RNF157: variants seen among roughly 807,000 people sequenced by gnomAD.
The protein encoded by RNF157 is ring finger protein 157.
RNF157 carries 55 observed loss-of-function variants against 88.3 expected under a neutral mutation model. The observed-to-expected ratio is 0.62, with a 90% CI of 0.50 to 0.78. RNF157 has a LOEUF of 0.78. Among genes scored for constraint, RNF157 ranks in the 30% least tolerant of loss-of-function variants. The pLI is 0.00. For missense variants in RNF157, 788 were observed against 860.8 expected (o/e 0.92, Z 1.06); for synonymous variants, 334 against 341.2 (o/e 0.98, Z 0.23).
rs892363909 is a variant in RNF157, at chr17:76,191,614, A to C, written c.208-17824T>G. On this transcript the variant is annotated intron_variant, in intron 2 of 18. Coordinates refer to ENST00000269391, the MANE Select transcript of RNF157 (RefSeq NM_052916.3). ...AGACTCCGCCTCAAAAAAAAAAAAA[A>C]AAAAAAAACATTAGCCAGGTGTAGT... Among the ~76,000 whole-genome samples the C allele has an allele frequency of 5.4e-4, 82 of 151,722 alleles. 1 individual carries two copies. Among genetic ancestry groups the C allele is most frequent in the Non-Finnish European group, 8.8e-4 (60 of 67,880 alleles).
chr17:76,225,881 T>C, intron 1 of RNF157: 1 of 1,613,624 alleles, frequency 6.2e-7, no homozygotes, highest in East Asian at 2.2e-5. Flanking sequence ...CTCTTTGCAC[T>C]CGCCAGTGAG....
intron 1 of RNF157, chr17:76,226,008 T>C (rs2070077529): frequency 1.9e-6 from 3 of 1,611,394 alleles, no homozygotes; most frequent in Non-Finnish European, 2.5e-6. Flanking sequence ...GCTACCATCT[T>C]CTCTCCAGGA....
At chr17:76,154,901 T>C (rs926188583) in intron 16 of RNF157, among the ~76,000 whole-genome samples, 1 of 152,160 alleles carries the variant, frequency 6.6e-6, no homozygotes, top group Non-Finnish European at 1.5e-5. Context: ...TAGGTCTATA[T>C]GTGCCCTAGC....
At chr17:76,212,158 C>A in intron 2 of RNF157, 1 of 496,100 alleles carries the variant, frequency 2.0e-6, no homozygotes, top group Non-Finnish European at 3.6e-6. Context: ...CATCCTCTCC[C>A]TCACAAGACT....
At chr17:76,238,142 T>C (rs2070313783) in intron 1 of RNF157, among the ~76,000 whole-genome samples, 1 of 151,156 alleles carries the variant, frequency 6.6e-6, no homozygotes, top group South Asian at 2.1e-4. Context: ...GGCCAAACTC[T>C]GTCAACGGTT....
intron 1 of RNF157, among the ~76,000 whole-genome samples, chr17:76,222,525 T>C (rs17508653): frequency 0.05 from 7,614 of 152,190 alleles, 273 homozygotes; most frequent in South Asian, 0.079. Context: ...ATGCTGTCAT[T>C]TGAATTTTTA....
chr17:76,205,121 CTCTTT>C (rs1184779587), intron 2 of RNF157, among the ~76,000 whole-genome samples: 14 of 151,426 alleles, frequency 9.2e-5, no homozygotes, highest in South Asian at 6.2e-4. Context: ...CCCTCCCTTC[CTCTTT>C]TCTTTTCTTT....
intron 2 of RNF157, among the ~76,000 whole-genome samples, chr17:76,186,088 C>T (rs1029707224): frequency 3.4e-4 from 52 of 151,736 alleles, no homozygotes; most frequent in African/African-American, 1.2e-3. Flanking sequence ...TTACTAAGGG[C>T]AAGAGGACCA....
At chr17:76,171,239 A>G (rs1256583282) in intron 3 of RNF157, among the ~76,000 whole-genome samples, 2 of 150,526 alleles carry the variant, frequency 1.3e-5, no homozygotes, top group Non-Finnish European at 2.9e-5. Context: ...CCCAGAGTGG[A>G]GTGCAGTGGT....
At chr17:76,214,476 C>T (rs1265015962) in intron 1 of RNF157, among the ~76,000 whole-genome samples, 1 of 152,170 alleles carries the variant, frequency 6.6e-6, no homozygotes, top group African/African-American at 2.4e-5. Context: ...CCATAACCTT[C>T]TATGATGAAG....
chr17:76,233,262 G>A (rs2070226326), intron 1 of RNF157, among the ~76,000 whole-genome samples: 1 of 152,022 alleles, frequency 6.6e-6, no homozygotes, highest in African/African-American at 2.4e-5. Flanking sequence ...CCATAATATT[G>A]AGTTGTAAGA....
At chr17:76,201,763 C>A (rs887968339) in intron 2 of RNF157, among the ~76,000 whole-genome samples, 2 of 152,070 alleles carry the variant, frequency 1.3e-5, no homozygotes, top group Non-Finnish European at 2.9e-5. Flanking sequence ...ATATTGCCAT[C>A]TCAGTGGACG....
intron 2 of RNF157, among the ~76,000 whole-genome samples, chr17:76,191,999 A>G (rs1023141416): frequency 2.6e-5 from 4 of 152,208 alleles, no homozygotes; most frequent in Admixed American, 2.6e-4. Flanking sequence ...TAAGGCCACT[A>G]TGCATCTCTT....
intron 18 of RNF157, among the ~76,000 whole-genome samples, chr17:76,151,381 G>C (rs1598384300): frequency 6.6e-6 from 1 of 152,242 alleles, no homozygotes; most frequent in East Asian, 1.9e-4. Context: ...CAGGCTGATG[G>C]AGAGTGGCAA....
chr17:76,213,874 G>A (rs1366207679), intron 1 of RNF157, among the ~76,000 whole-genome samples: 1 of 152,136 alleles, frequency 6.6e-6, no homozygotes, highest in Non-Finnish European at 1.5e-5. Context: ...CCAAACAGGG[G>A]AACACTTACA....
Position 76,144,138 on chromosome 17 carries a change from T to C in RNF157, c.*1097A>G, listed in dbSNP as rs2068550718. On this transcript the variant is annotated 3_prime_UTR_variant, in exon 19 of 19. Coordinates refer to ENST00000269391, the MANE Select transcript of RNF157 (RefSeq NM_052916.3). ...ATGCCACCTCCCAATTGAGTGAGGATGAATTATGGTAATATACGACCACTC... is the reference window on the plus strand; with the variant it reads ...ATGCCACCTCCCAATTGAGTGAGGACGAATTATGGTAATATACGACCACTC... The C allele has an allele frequency of 6.6e-6, 1 of 152,112 alleles. No homozygotes were observed. The highest frequency in any genetic ancestry group is 2.1e-4 in the South Asian group (1 of 4,820). 9.4% of individuals were successfully genotyped at this position (152,112 alleles called of 1,614,324 possible). A position where few individuals can be genotyped will look rare whatever the true frequency, so the allele number is the denominator to read the frequency against.
chr17:76,185,563 G>A (rs887383293), intron 2 of RNF157, among the ~76,000 whole-genome samples: 6 of 150,052 alleles, frequency 4.0e-5, no homozygotes, highest in African/African-American at 1.2e-4. Flanking sequence ...TCCGCCTCCC[G>A]GGTTCACGCC....
At chr17:76,191,646 T>C (rs1486375853) in intron 2 of RNF157, among the ~76,000 whole-genome samples, 2 of 149,898 alleles carry the variant, frequency 1.3e-5, no homozygotes, top group South Asian at 4.3e-4. Context: ...TAGTGGTATG[T>C]GCCTGTAGTC....
chr17:76,219,444 G>C (rs1304014964), intron 1 of RNF157, among the ~76,000 whole-genome samples: 2 of 151,740 alleles, frequency 1.3e-5, no homozygotes, highest in Admixed American at 6.6e-5. Context: ...TGGCTATGAA[G>C]ATATATACAT....
Sources: allele counts gnomAD v4.1 joint callset (sites outside exome capture counted in the v4.1 genomes callset), GRCh38; gene constraint gnomAD v4.1.1; transcripts MANE v1.5; gene names NCBI Gene and HGNC (gene_info 2026-07-23, HGNC 2026-07-21).